Variants in PPP3R1 observed in about 807,000 individuals in gnomAD.
PPP3R1 encodes calcineurin subunit B type 1.
Under a neutral mutation model 22.6 loss-of-function variants are expected in PPP3R1, and 5 were observed. The ratio of observed to expected loss-of-function variants is 0.22; its 90% CI spans 0.12 to 0.46. The LOEUF (loss-of-function observed/expected upper bound fraction) is 0.46, where lower values mean the gene tolerates loss of function less well. Ranked by LOEUF, PPP3R1 falls within the 20% of genes least tolerant of loss-of-function variation. The pLI is 0.99. For synonymous variants in PPP3R1, 56 were observed against 65.2 expected, an observed-to-expected ratio of 0.86 and a Z score of 0.68; for missense variants, 61 against 203.2, an observed-to-expected ratio of 0.30 and a Z score of 4.25.
At chr2:68,186,361 C>A in intron 5 of PPP3R1, 107 bp downstream of exon 5, 1 of 1,108,838 alleles carries the variant, frequency 9.0e-7, no homozygotes. Context: ...TAGGAAAAAT[C>A]AAATACTTAA....
At chr2:68,242,248 G>A (rs760290188) in intron 1 of PPP3R1, among the ~76,000 whole-genome samples, 2 of 152,082 alleles carry the variant, frequency 1.3e-5, no homozygotes, top group Non-Finnish European at 1.5e-5. Context: ...TCAACATGGT[G>A]AAACCCTGTC....
intron 2 of PPP3R1, among the ~76,000 whole-genome samples, chr2:68,207,932 G>A (rs1411014959): frequency 6.6e-6 from 1 of 152,218 alleles, no homozygotes; most frequent in Non-Finnish European, 1.5e-5. Flanking sequence ...GAGGCAGGCG[G>A]CTCGCCTGGG....
chr2:68,198,051 G>A lies in PPP3R1; in HGVS notation c.44-9361C>T, dbSNP rs547666316. ...TTGTTGAAAAGGCTCCCTTTACAAC[G>A]GCACCTTTGGCAAAAAAAAAAAAAA... On this transcript the variant is annotated intron_variant, in intron 2 of 5. Coordinates refer to ENST00000234310, the MANE Select transcript of PPP3R1 (RefSeq NM_000945.4). Among the ~76,000 whole-genome samples the A allele has an allele frequency of 1.4e-4, 14 of 96,700 alleles. No individual in the cohort carries two copies. The East Asian group carries it at 1.7e-3, about 12-fold the overall frequency. 63.4% of individuals were successfully genotyped at this position (96,700 alleles called of 152,430 possible).
At chr2:68,229,152 G>A (rs1391583291) in intron 1 of PPP3R1, among the ~76,000 whole-genome samples, 1 of 151,966 alleles carries the variant, frequency 6.6e-6, no homozygotes, top group African/African-American at 2.4e-5. Flanking sequence ...CTCAACTACA[G>A]GCATATGCCA....
chr2:68,204,832 G>A lies in PPP3R1; in HGVS notation c.43+12260C>T, dbSNP rs572935957. Among the ~76,000 whole-genome samples the A allele has an allele frequency of 1.1e-4, 17 of 152,312 alleles. No homozygotes were observed. The East Asian group carries it at 2.9e-3, about 26-fold the overall frequency. Reference sequence around the variant, plus strand: ...GTAATCCAGCTCTGAGCTCTTGCTAGCTAATTCAGTCAACCAATTATTTAC... The same window carrying A: ...GTAATCCAGCTCTGAGCTCTTGCTAACTAATTCAGTCAACCAATTATTTAC... On this transcript the variant is annotated intron_variant, in intron 2 of 5. Transcript: ENST00000234310.
chr2:68,245,375 A>C (rs1424178993), intron 1 of PPP3R1, among the ~76,000 whole-genome samples: 2 of 152,218 alleles, frequency 1.3e-5, no homozygotes, highest in East Asian at 3.8e-4. Context: ...AAAGAAAAAA[A>C]AATTATTCAG....
chr2:68,234,185 T>TA (rs1257444970), intron 1 of PPP3R1, among the ~76,000 whole-genome samples: 1 of 151,388 alleles, frequency 6.6e-6, no homozygotes, highest in Non-Finnish European at 1.5e-5. Flanking sequence ...CTAGTAAAAA[T>TA]AAAAAAAATT....
At chr2:68,215,427 T>C (rs901728364) in intron 2 of PPP3R1, among the ~76,000 whole-genome samples, 1 of 152,134 alleles carries the variant, frequency 6.6e-6, no homozygotes, top group South Asian at 2.1e-4. Context: ...CATAGTAAAT[T>C]TGAAAGCTTC....
intron 1 of PPP3R1, among the ~76,000 whole-genome samples, chr2:68,251,530 G>A (rs1670351711): frequency 6.6e-6 from 1 of 152,198 alleles, no homozygotes; most frequent in South Asian, 2.1e-4. Flanking sequence ...AAACCCCGCA[G>A]GGCTGCGCAC....
intron 2 of PPP3R1, among the ~76,000 whole-genome samples, chr2:68,192,045 T>A (rs1197872744): frequency 6.6e-6 from 1 of 152,164 alleles, no homozygotes; most frequent in Non-Finnish European, 1.5e-5. Context: ...TAATAATGTT[T>A]TAAGTATTAA....
chr2:68,209,663 T>C (rs1057512249), intron 2 of PPP3R1, among the ~76,000 whole-genome samples: 2 of 151,630 alleles, frequency 1.3e-5, no homozygotes, highest in African/African-American at 2.4e-5. Context: ...GAGGCTGAGG[T>C]AGGAGAATCG....
intron 1 of PPP3R1, among the ~76,000 whole-genome samples, chr2:68,248,741 T>C (rs536400914): frequency 1.2e-4 from 18 of 152,342 alleles, no homozygotes; most frequent in Non-Finnish European, 2.4e-4. Flanking sequence ...GCAACGCTGA[T>C]CTTTTTAGAC....
At chr2:68,190,844 T>G (rs1223154662) in intron 2 of PPP3R1, among the ~76,000 whole-genome samples, 1 of 152,180 alleles carries the variant, frequency 6.6e-6, no homozygotes, top group Non-Finnish European at 1.5e-5. Flanking sequence ...CTAAAGCAAA[T>G]AACTTCAACC....
intron 1 of PPP3R1, among the ~76,000 whole-genome samples, chr2:68,223,269 C>T (rs765073235): frequency 7.2e-5 from 11 of 152,136 alleles, no homozygotes; most frequent in Non-Finnish European, 7.4e-5. Context: ...TGGTAGGCAC[C>T]TGTACAATCC....
At chr2:68,229,774 TA>T (rs1669850349) in intron 1 of PPP3R1, among the ~76,000 whole-genome samples, 1 of 152,068 alleles carries the variant, frequency 6.6e-6, no homozygotes, top group South Asian at 2.1e-4. Flanking sequence ...AACATGCCTA[TA>T]TTGTTACATT....
At chr2:68,197,088 A>G (rs903427368) in intron 2 of PPP3R1, among the ~76,000 whole-genome samples, 1 of 152,206 alleles carries the variant, frequency 6.6e-6, no homozygotes, top group Non-Finnish European at 1.5e-5. Context: ...ATGCATTATT[A>G]AGTATATGGT....
intron 1 of PPP3R1, among the ~76,000 whole-genome samples, chr2:68,243,543 A>C (rs909644963): frequency 1.3e-5 from 2 of 152,174 alleles, no homozygotes; most frequent in African/African-American, 4.8e-5. Flanking sequence ...TTCTCTTTTA[A>C]TAATTTGTTA....
intron 2 of PPP3R1, among the ~76,000 whole-genome samples, chr2:68,209,998 C>G (rs1465589905): frequency 6.6e-6 from 1 of 152,058 alleles, no homozygotes; most frequent in African/African-American, 2.4e-5. Context: ...ATTGCTGAAA[C>G]ATAATGAGCA....
At chr2:68,198,252 C>T (rs544919779) in intron 2 of PPP3R1, among the ~76,000 whole-genome samples, 1 of 144,076 alleles carries the variant, frequency 6.9e-6, no homozygotes, top group Non-Finnish European at 1.5e-5. Flanking sequence ...TATGTACATA[C>T]ATATGTATAC....
Sources: allele counts gnomAD v4.1 joint callset (sites outside exome capture counted in the v4.1 genomes callset), GRCh38; gene constraint gnomAD v4.1.1; transcripts MANE v1.5; gene names NCBI Gene and HGNC (gene_info 2026-07-23, HGNC 2026-07-21).